The following FLRT2 variants were observed in gnomAD, a reference collection of about 807,000 sequenced individuals.
The protein encoded by FLRT2 is fibronectin leucine rich transmembrane protein 2.
A neutral mutation model predicts 40.0 loss-of-function variants in FLRT2; 15 were observed. The observed-to-expected ratio is 0.38, with a 90% CI of 0.25 to 0.58. The LOEUF is 0.58. FLRT2 is among the 20% of genes least tolerant of loss of function. The pLI is 0.71. For missense variants in FLRT2, 726 were observed against 840.0 expected (o/e 0.86, Z 1.68); for synonymous variants, 380 against 336.8 (o/e 1.13, Z -1.41).
rs2139390419 is a variant in FLRT2, at chr14:85,635,194, G to A, written c.*11697G>A. ...CACAAAGAACTGTGACTTTGTATCT[G>A]TGTGATATTATTTAATGTCCCTAAG... On this transcript the variant is annotated 3_prime_UTR_variant, in exon 2 of 2. Transcript: ENST00000330753. 1 of 152,274 alleles carries A rather than the reference G, an allele frequency of 6.6e-6. No individual in the cohort carries two copies. The highest frequency in any genetic ancestry group is 2.1e-4 in the South Asian group (1 of 4,828). The allele number at this position is 152,274 out of a possible 1,614,324, so 9.4% of individuals were successfully genotyped here.
intron 1 of FLRT2, among the ~76,000 whole-genome samples, chr14:85,553,321 G>A (rs1386967906): frequency 6.6e-6 from 1 of 152,194 alleles, no homozygotes; most frequent in East Asian, 1.9e-4. Context: ...TTAAATTCCT[G>A]TGCCCAGTAA....
rs1287566296 is a variant in FLRT2 at position 85,638,708 on chromosome 14, G to A, written c.*15211G>A. On this transcript the variant is annotated 3_prime_UTR_variant, in exon 2 of 2. Coordinates refer to ENST00000330753, the MANE Select transcript of FLRT2 (RefSeq NM_013231.6). ...GATTTCTTTACTTATTGAGCAGAGC[G>A]AAGTAACATTAATTTGTGTTATAAC... is the stretch of plus-strand genomic sequence containing the variant. 1.3e-5 allele frequency: 2 copies of A among 152,146 alleles called. No individual in the cohort carries two copies. Among genetic ancestry groups the A allele is most frequent in the East Asian group, 3.9e-4 (2 of 5,180 alleles). 9.4% of individuals were successfully genotyped at this position (152,146 alleles called of 1,614,324 possible).
rs1893809812 is a variant in FLRT2, at chr14:85,629,408, T to A, written c.*5911T>A. 1.3e-5 allele frequency: 2 copies of A among 152,224 alleles called. No homozygotes were observed. Among genetic ancestry groups the A allele is most frequent in the African/African-American group, 4.8e-5 (2 of 41,458 alleles). 9.4% of individuals were successfully genotyped at this position (152,224 alleles called of 1,614,324 possible). Reference sequence around the variant, plus strand: ...GTAATTACACATGCAGACATTTAAATTTTTATTAAGCACCACGATGGAACT... The same window carrying A: ...GTAATTACACATGCAGACATTTAAAATTTTATTAAGCACCACGATGGAACT... On this transcript the variant is annotated 3_prime_UTR_variant, in exon 2 of 2. Transcript: ENST00000330753.
At chr14:85,599,772 A>T (rs1892304189) in intron 1 of FLRT2, among the ~76,000 whole-genome samples, 1 of 151,694 alleles carries the variant, frequency 6.6e-6, no homozygotes, top group Non-Finnish European at 1.5e-5. Flanking sequence ...TTAACAAATT[A>T]TACGTGTATT....
rs866969717 is a variant in FLRT2 at position 85,622,821 on chromosome 14, C to G, written c.1307C>G (p.Ser436Cys). The part of the protein sequence containing the change: ...QLSIHFVNDT[S>C]IQVSWLSLFT... ...TCTATCCATTTTGTGAATGATACTT[C>G]CATTCAAGTCAGCTGGCTCTCTCTC... The change falls in exon 2 of 2, where the codon TCC (serine) becomes TGC (cysteine). Residue 436 changes from serine (S) to cysteine (C), a missense_variant. By Grantham distance (112) the Ser-to-Cys change is moderately radical (BLOSUM62 -1). This residue lies in a region of FLRT2 where 611 missense variants were observed against 690.0 expected (regional missense o/e 0.89). Coordinates refer to ENST00000330753, the MANE Select transcript of FLRT2 (RefSeq NM_013231.6). 1 of 1,614,064 alleles carries G rather than the reference C, an allele frequency of 6.2e-7. No homozygotes were observed. The highest frequency in any genetic ancestry group is 1.3e-5 in the African/African-American group (1 of 74,926).
chr14:85,612,498 C>T (rs936937763), intron 1 of FLRT2, among the ~76,000 whole-genome samples: 9 of 152,066 alleles, frequency 5.9e-5, no homozygotes, highest in Admixed American at 3.9e-4. Flanking sequence ...TTATTTAAAG[C>T]TTTAGAATGA....
In FLRT2 at chr14:85,643,624, C is replaced by A. The variant is rs1405758602; in HGVS notation, c.*20127C>A. On this transcript the variant is annotated 3_prime_UTR_variant, in exon 2 of 2. Transcript: ENST00000330753. ...GCCAGGCTGCTCTCAAACTCCTGAC[C>A]TCAGGTGATCCACCCGCCTCAGCTT... The A allele has an allele frequency of 1.3e-5, 2 of 152,224 alleles. No individual in the cohort carries two copies. The highest frequency in any genetic ancestry group is 1.3e-4 in the Admixed American group (2 of 15,244). 9.4% of individuals were successfully genotyped at this position (152,224 alleles called of 1,614,324 possible).
rs932118040 is a variant in FLRT2 at position 85,633,721 on chromosome 14, G to A, written c.*10224G>A. The A allele has an allele frequency of 6.6e-6, 1 of 150,918 alleles. No individual in the cohort carries two copies. The highest frequency in any genetic ancestry group is 2.4e-5 in the African/African-American group (1 of 41,030). The allele number at this position is 150,918 out of a possible 1,614,324, so 9.3% of individuals were successfully genotyped here. The stretch of plus-strand genomic sequence containing the variant: ...AGGTTGAAGCAGGAGGGTCACTTGA[G>A]CCCAGGAGATCAAGATTACATTGAG... On this transcript the variant is annotated 3_prime_UTR_variant, in exon 2 of 2. Coordinates refer to ENST00000330753, the MANE Select transcript of FLRT2 (RefSeq NM_013231.6).
chr14:85,601,105 A>G (rs922537291), intron 1 of FLRT2, among the ~76,000 whole-genome samples: 4 of 152,174 alleles, frequency 2.6e-5, no homozygotes, highest in Non-Finnish European at 5.9e-5. Context: ...TGTTCAGCTG[A>G]CCAGGGAGGG....
Position 85,622,938 on chromosome 14 carries a change from A to C in FLRT2, c.1424A>C (p.Lys475Thr). 1 of 1,614,182 alleles carries C rather than the reference A, an allele frequency of 6.2e-7. No individual in the cohort carries two copies. The highest frequency in any genetic ancestry group is 8.5e-7 in the Non-Finnish European group (1 of 1,180,016). Residue 475 changes from lysine to threonine, a missense_variant, in exon 2 of 2, where the codon AAG (lysine) becomes ACG (threonine). This residue lies in a region of FLRT2 where 611 missense variants were observed against 690.0 expected (regional missense o/e 0.89). Coordinates refer to ENST00000330753, the MANE Select transcript of FLRT2 (RefSeq NM_013231.6). ...CAGGAGCGCATAGTCAGCGGTGAGA[A>C]GCAACACCTGAGCCTGGTTAACTTA... ...IVQERIVSGE[K>T]QHLSLVNLEP...
chr14:85,599,727 CT>C (rs1160465395), intron 1 of FLRT2, among the ~76,000 whole-genome samples: 1 of 151,988 alleles, frequency 6.6e-6, no homozygotes, highest in Non-Finnish European at 1.5e-5. Context: ...TTCTTTCCTC[CT>C]TTTCTTTCTT....
At position 85,621,744 on chromosome 14, in the gene FLRT2, A is replaced by C. The variant is rs201873570; in HGVS notation, c.230A>C (p.Asn77Thr). ...TACCTCCACAACAACCAAATTAATA[A>C]TGCTGGATTTCCTGCAGAACTGCAC... ...VLYLHNNQIN[N>T]AGFPAELHNV... is the part of the protein sequence containing the mutation. The change falls in exon 2 of 2, where the codon AAT (asparagine) becomes ACT (threonine). Residue 77 changes from asparagine to threonine, a missense_variant. Physicochemically the swap from Asn to Thr is moderately conservative, Grantham distance 65. Around this residue, in one of 3 missense-constraint regions of FLRT2, gnomAD observed 106 missense variants for 121.2 expected, o/e 0.87. Coordinates refer to ENST00000330753, the MANE Select transcript of FLRT2 (RefSeq NM_013231.6). The C allele has an allele frequency of 1.1e-5, 18 of 1,614,072 alleles. No individual in the cohort carries two copies. The highest frequency in any genetic ancestry group is 1.5e-5 in the Non-Finnish European group (18 of 1,180,040).
intron 1 of FLRT2, chr14:85,562,671 T>C (rs964119982): frequency 2.8e-5 from 4 of 144,930 alleles, no homozygotes; most frequent in African/African-American, 1.0e-4. Context: ...ACTATGCTCA[T>C]GGACATCAAT....
chr14:85,567,830 G>A (rs1017572636), intron 1 of FLRT2, among the ~76,000 whole-genome samples: 1 of 151,726 alleles, frequency 6.6e-6, no homozygotes, highest in Non-Finnish European at 1.5e-5. Context: ...TAGTAGAGAC[G>A]GGGTTCCACC....
At chr14:85,620,618 C>A (rs570444658) in intron 1 of FLRT2, among the ~76,000 whole-genome samples, 3 of 152,208 alleles carry the variant, frequency 2.0e-5, no homozygotes, top group African/African-American at 4.8e-5. Context: ...TTTGGAATAA[C>A]TTTTCTGTAA....
intron 1 of FLRT2, among the ~76,000 whole-genome samples, chr14:85,560,532 G>A (rs1890240681): frequency 6.6e-6 from 1 of 151,914 alleles, no homozygotes; most frequent in South Asian, 2.1e-4. Context: ...AGTGAGCCGA[G>A]ATCGCACCAC....
chr14:85,618,660 G>T (rs1191638877), intron 1 of FLRT2, among the ~76,000 whole-genome samples: 2 of 152,100 alleles, frequency 1.3e-5, no homozygotes, highest in African/African-American at 4.8e-5. Context: ...TGATTAGTAT[G>T]CCTTATCTCT....
At position 85,623,140 on chromosome 14, in the gene FLRT2, G is replaced by T; in HGVS notation, c.1626G>T (p.Leu542=). ...TTSHSMGSPF[L]LAGLIGGAVI... ...CCCACAGCATGGGCTCCCCCTTTCT[G>T]CTGGCGGGCTTGATCGGGGGCGCGG... The change falls in exon 2 of 2, where the codon CTG becomes CTT. Residue 542 remains leucine (L), a synonymous_variant. Coordinates refer to ENST00000330753, the MANE Select transcript of FLRT2 (RefSeq NM_013231.6). 3.1e-6 allele frequency: 5 copies of T among 1,599,720 alleles called. No individual in the cohort carries two copies. The highest frequency in any genetic ancestry group is 4.3e-6 in the Non-Finnish European group (5 of 1,172,106).
chr14:85,554,897 G>T (rs761195062), intron 1 of FLRT2, among the ~76,000 whole-genome samples: 1 of 152,176 alleles, frequency 6.6e-6, no homozygotes, highest in Non-Finnish European at 1.5e-5. Flanking sequence ...TTGCCGTCCT[G>T]CAGAGTCAGT....
Sources: allele counts gnomAD v4.1 joint callset (sites outside exome capture counted in the v4.1 genomes callset), GRCh38; gene constraint gnomAD v4.1.1; regional missense constraint gnomAD v4.1.1; transcripts MANE v1.5; gene names NCBI Gene and HGNC (gene_info 2026-07-23, HGNC 2026-07-21).